Variants in ARMC1 observed in about 807,000 individuals in gnomAD.
ARMC1 encodes the protein armadillo repeat containing 1, also known as armadillo repeat-containing protein 1.
In ARMC1, 16 loss-of-function variants were observed where a neutral mutation model predicts 31.4. That is an observed-to-expected ratio of 0.51 (90% CI 0.34 to 0.77). ARMC1 has a LOEUF of 0.77. Among genes scored for constraint, ARMC1 ranks in the 30% least tolerant of loss-of-function variants. ARMC1 has a pLI of 0.01. For synonymous variants in ARMC1, 114 were observed against 118.9 expected (o/e 0.96, Z 0.27); for missense variants, 259 against 347.5 (o/e 0.75, Z 2.02).
intron 4 of ARMC1, among the ~76,000 whole-genome samples, chr8:65,607,459 A>G (rs1563411782): frequency 6.6e-6 from 1 of 152,212 alleles, no homozygotes; most frequent in Non-Finnish European, 1.5e-5. Flanking sequence ...AATGCCAACC[A>G]CATGCAACAG....
rs60623254 is a variant in ARMC1, at chr8:65,628,853, C to CAA, written c.-35-1422_-35-1421dup. On this transcript the variant is annotated intron_variant, in intron 1 of 6. Coordinates refer to ENST00000276569, the MANE Select transcript of ARMC1 (RefSeq NM_018120.6). Reference sequence around the variant, plus strand: ...AAAACTCTGTCTCAAAACAAGCAAACAAAAAAAATCAGCATATCGGCCGGG... The same window carrying CAA: ...AAAACTCTGTCTCAAAACAAGCAAACAAAAAAAAAATCAGCATATCGGCCGGG... Among the ~76,000 whole-genome samples, 14 of 150,566 alleles carry CAA rather than the reference C, an allele frequency of 9.3e-5. No individual in the cohort carries two copies. The East Asian group carries it at 1.4e-3, about 15-fold the overall frequency.
rs916169359 is a variant in ARMC1 at position 65,611,542 on chromosome 8, T to G, written c.465+1702A>C. On this transcript the variant is annotated intron_variant, in intron 4 of 6. Transcript: ENST00000276569. The stretch of plus-strand genomic sequence containing the variant: ...CCAGGAGTGTGTAGTGACACGAACA[T>G]AGATCACCATAACCTTGAACTCTTG... Among the ~76,000 whole-genome samples, 5 of 152,004 alleles carry G rather than the reference T, an allele frequency of 3.3e-5. No individual in the cohort carries two copies. In the South Asian group the frequency reaches 1.0e-3, roughly 32 times the overall value.
intron 2 of ARMC1, among the ~76,000 whole-genome samples, chr8:65,627,013 A>C (rs1239667715): frequency 2.6e-5 from 4 of 151,468 alleles, no homozygotes; most frequent in Non-Finnish European, 5.9e-5. Context: ...AAAAAAAAAA[A>C]AATAAAGAAT....
At chr8:65,616,267 C>T (rs1482377314) in intron 3 of ARMC1, among the ~76,000 whole-genome samples, 3 of 152,236 alleles carry the variant, frequency 2.0e-5, no homozygotes, top group Non-Finnish European at 2.9e-5. Flanking sequence ...CGAGTGCCTG[C>T]GATTGCAGGC....
intron 5 of ARMC1, 39 bp from the exon 6 acceptor site, chr8:65,605,376 T>C (rs1168612604): frequency 6.2e-7 from 1 of 1,612,884 alleles, no homozygotes. Flanking sequence ...GAAATTGATT[T>C]GTTTACCTGT....
At chr8:65,617,067 C>A (rs942401876) in intron 3 of ARMC1, among the ~76,000 whole-genome samples, 13 of 151,518 alleles carry the variant, frequency 8.6e-5, no homozygotes, top group African/African-American at 3.2e-4. Context: ...GCCCAGCCGC[C>A]CCTTCTGGGA....
chr8:65,611,108 A>G (rs1808130964), intron 4 of ARMC1, among the ~76,000 whole-genome samples: 1 of 151,806 alleles, frequency 6.6e-6, no homozygotes, highest in Non-Finnish European at 1.5e-5. Flanking sequence ...TAATTTTTGT[A>G]TTTTTAGTAG....
chr8:65,629,141 C>G (rs184085041), intron 1 of ARMC1, among the ~76,000 whole-genome samples: 2 of 142,818 alleles, frequency 1.4e-5, no homozygotes. Flanking sequence ...GATGACAGGG[C>G]GAGACTCCAT....
Position 65,616,403 on chromosome 8 carries a change from G to A in ARMC1, c.276-2970C>T, listed in dbSNP as rs541276785. 7.3e-3 allele frequency among the ~76,000 whole-genome samples: 1,115 copies of A among 152,350 alleles called. 6 individuals carry two copies. Among genetic ancestry groups the A allele is most frequent in the African/African-American group, 0.024 (1,004 of 41,578 alleles). On this transcript the variant is annotated intron_variant, in intron 3 of 6. Coordinates refer to ENST00000276569, the MANE Select transcript of ARMC1 (RefSeq NM_018120.6). Reference sequence around the variant, plus strand: ...GCCAGCCTCGGCCTCCCGAGGTGCCGGGATGGCAGACGGAGTCTGGTTCAC... The same window carrying A: ...GCCAGCCTCGGCCTCCCGAGGTGCCAGGATGGCAGACGGAGTCTGGTTCAC...
intron 2 of ARMC1, among the ~76,000 whole-genome samples, chr8:65,624,152 T>C (rs1808462071): frequency 6.6e-6 from 1 of 151,948 alleles, no homozygotes; most frequent in African/African-American, 2.4e-5. Flanking sequence ...CAAAAATGAA[T>C]CTATATTGGG....
intron 3 of ARMC1, among the ~76,000 whole-genome samples, chr8:65,615,957 G>A (rs1377841583): frequency 3.3e-5 from 5 of 151,788 alleles, no homozygotes; most frequent in East Asian, 1.9e-4. Flanking sequence ...CAATAGTTTT[G>A]CATCAACTAG....
At chr8:65,628,345 G>T (rs960816925) in intron 1 of ARMC1, among the ~76,000 whole-genome samples, 1 of 148,948 alleles carries the variant, frequency 6.7e-6, no homozygotes, top group African/African-American at 2.5e-5. Flanking sequence ...TCCGCCTCCC[G>T]GTTCAAGCAA....
At chr8:65,609,720 T>C (rs1585703942) in intron 4 of ARMC1, among the ~76,000 whole-genome samples, 2 of 151,938 alleles carry the variant, frequency 1.3e-5, no homozygotes, top group Admixed American at 1.3e-4. Flanking sequence ...TAGATGGGCA[T>C]GGTGGCGGGC....
chr8:65,610,271 G>T (rs955941417), intron 4 of ARMC1, among the ~76,000 whole-genome samples: 1 of 151,412 alleles, frequency 6.6e-6, no homozygotes, highest in African/African-American at 2.4e-5. Flanking sequence ...CTTATTTTTT[G>T]TATCTTTAGT....
chr8:65,613,191 T>C (rs1374592573), intron 4 of ARMC1, 53 bp downstream of exon 4: 12 of 1,411,284 alleles, frequency 8.5e-6, no homozygotes, highest in African/African-American at 1.4e-5. Context: ...CAAGTGGCAC[T>C]GAAGAAACTA....
rs1422990762 is a variant in ARMC1, at chr8:65,627,233, C to T, written c.166G>A (p.Val56Ile). 2.7e-5 allele frequency: 42 copies of T among 1,579,350 alleles called. No individual in the cohort carries two copies. Among genetic ancestry groups the T allele is most frequent in the Non-Finnish European group, 3.4e-5 (39 of 1,160,502 alleles). ...LFMDHPNPPV[V>I]HSALLALRYL... ...CAACTTACAAGCAAAGCGGAGTGGA[C>T]GACTGGAGGGTTGGGATGGTCCATA... The change falls in exon 2 of 7, where the codon GTC becomes ATC. Residue 56 changes from valine to isoleucine, a missense_variant. Coordinates refer to ENST00000276569, the MANE Select transcript of ARMC1 (RefSeq NM_018120.6).
intron 3 of ARMC1, among the ~76,000 whole-genome samples, chr8:65,621,711 G>A (rs530155268): frequency 4.6e-5 from 7 of 152,212 alleles, no homozygotes; most frequent in South Asian, 4.1e-4. Context: ...ATTTCACCAC[G>A]TTGGCCACGC....
chr8:65,606,623 A>G lies in ARMC1; in HGVS notation c.466-1085T>C, dbSNP rs79159333. Among the ~76,000 whole-genome samples, 1,041 of 152,206 alleles carry G rather than the reference A, an allele frequency of 6.8e-3. 14 individuals are homozygous for G. Among genetic ancestry groups the G allele is most frequent in the African/African-American group, 0.024 (1,014 of 41,530 alleles). On this transcript the variant is annotated intron_variant, in intron 4 of 6. Coordinates refer to ENST00000276569, the MANE Select transcript of ARMC1 (RefSeq NM_018120.6). Reference sequence around the variant, plus strand: ...CCTAATACTCTTCAAAACACAATATAACATGTACCCTTCAATACTTCAATG... The same window carrying G: ...CCTAATACTCTTCAAAACACAATATGACATGTACCCTTCAATACTTCAATG...
chr8:65,607,188 T>C (rs900257245), intron 4 of ARMC1, among the ~76,000 whole-genome samples: 2 of 152,250 alleles, frequency 1.3e-5, no homozygotes, highest in African/African-American at 4.8e-5. Context: ...AGGCCCACAG[T>C]GGGCTCATCT....
Sources: allele counts gnomAD v4.1 joint callset (sites outside exome capture counted in the v4.1 genomes callset), GRCh38; gene constraint gnomAD v4.1.1; transcripts MANE v1.5; gene names NCBI Gene and HGNC (gene_info 2026-07-23, HGNC 2026-07-21).